The following MARCHF1 variants were observed in gnomAD, a reference collection of about 807,000 sequenced individuals.
MARCHF1 encodes the protein E3 ubiquitin-protein ligase MARCHF1.
In MARCHF1, 40 loss-of-function variants were observed where a neutral mutation model predicts 54.2. That is an observed-to-expected ratio of 0.74 (90% CI 0.57 to 0.96). MARCHF1 has a LOEUF of 0.96. MARCHF1 is among the 40% of genes least tolerant of loss of function. The pLI, the probability that MARCHF1 is intolerant of heterozygous loss-of-function variation, is 0.00. For synonymous variants in MARCHF1, 236 were observed against 236.3 expected (o/e 1.00, Z 0.01); for missense variants, 586 against 656.5 (o/e 0.89, Z 1.17).
intron 4 of MARCHF1, among the ~76,000 whole-genome samples, chr4:163,801,134 G>A (rs554000216): frequency 1.8e-4 from 28 of 151,998 alleles, no homozygotes; most frequent in Admixed American, 3.3e-4. Context: ...TCATCATGAC[G>A]GCACTCGGGA....
chr4:164,179,812 T>A lies in MARCHF1; in HGVS notation c.-322-68150A>T, dbSNP rs555611161. Among the ~76,000 whole-genome samples the A allele has an allele frequency of 4.0e-4, 61 of 151,854 alleles. No individual in the cohort carries two copies. In the South Asian group the frequency reaches 0.012, roughly 30 times the overall value. On this transcript the variant is annotated intron_variant, in intron 1 of 9. Transcript: ENST00000514618. The stretch of plus-strand genomic sequence containing the variant: ...GATTTGCATAAAAACAATTAGATGA[T>A]CTATAACCTACAGTAATAATAAGCA...
At chr4:163,676,583 C>T (rs1743928751) in intron 5 of MARCHF1, among the ~76,000 whole-genome samples, 1 of 151,890 alleles carries the variant, frequency 6.6e-6, no homozygotes, top group Non-Finnish European at 1.5e-5. Flanking sequence ...CTTACTTCTA[C>T]AAAATAAATA....
rs114022959 is a variant in MARCHF1 at position 164,241,225 on chromosome 4, T to C, written c.-322-129563A>G. 3.4e-3 allele frequency among the ~76,000 whole-genome samples: 512 copies of C among 152,138 alleles called. 4 individuals are homozygous for C. Among genetic ancestry groups the C allele is most frequent in the African/African-American group, 0.012 (495 of 41,494 alleles). ...GTCCCATAATTTCATCCCCAACCAA[T>C]CAGCAGTATCTATTCCCTAGGACCT... On this transcript the variant is annotated intron_variant, in intron 1 of 9. Coordinates refer to ENST00000514618, the MANE Select transcript of MARCHF1 (RefSeq NM_001394959.1).
At position 164,025,656 on chromosome 4, in the gene MARCHF1, C is replaced by T. The variant is rs145378832; in HGVS notation, c.-247-36947G>A. 6.1e-3 allele frequency among the ~76,000 whole-genome samples: 912 copies of T among 149,604 alleles called. 7 individuals are homozygous for T. The highest frequency in any genetic ancestry group is 0.021 in the African/African-American group (866 of 40,642). On this transcript the variant is annotated intron_variant, in intron 2 of 9. Coordinates refer to ENST00000514618, the MANE Select transcript of MARCHF1 (RefSeq NM_001394959.1). Reference sequence around the variant, plus strand: ...AAATTAACAATCTAACTTTGCATGTCGAGAAACTAGAAAAAAAACAACAAA... The same window carrying T: ...AAATTAACAATCTAACTTTGCATGTTGAGAAACTAGAAAAAAAACAACAAA...
intron 1 of MARCHF1, among the ~76,000 whole-genome samples, chr4:164,326,981 G>GTGTGTGTT (rs1735298888): frequency 6.6e-6 from 1 of 151,434 alleles, no homozygotes; most frequent in African/African-American, 2.4e-5. Flanking sequence ...GTGTGTGTGT[G>GTGTGTGTT]TGTGTGTGTG....
intron 3 of MARCHF1, among the ~76,000 whole-genome samples, chr4:163,979,019 CT>C (rs60452636): frequency 0.77 from 99,250 of 129,088 alleles, 40,526 homozygotes; most frequent in Non-Finnish European, 0.92. Flanking sequence ...CCCTTTAATT[CT>C]TTTTTTTTTT....
chr4:164,225,322 G>C (rs1345305519), intron 1 of MARCHF1, among the ~76,000 whole-genome samples: 2 of 151,922 alleles, frequency 1.3e-5, no homozygotes, highest in African/African-American at 4.8e-5. Flanking sequence ...CAATAAAATG[G>C]TGTATAATTA....
chr4:163,880,767 A>G (rs1319506037), intron 3 of MARCHF1, among the ~76,000 whole-genome samples: 2 of 152,216 alleles, frequency 1.3e-5, no homozygotes, highest in Admixed American at 6.5e-5. Context: ...ATAGCTATAT[A>G]CTTTCTAAAA....
intron 1 of MARCHF1, among the ~76,000 whole-genome samples, chr4:164,204,111 G>A (rs1172769848): frequency 1.3e-5 from 2 of 152,024 alleles, no homozygotes; most frequent in Non-Finnish European, 2.9e-5. Context: ...ATGAGAAACA[G>A]GCTTGATTAT....
chr4:164,154,659 C>T (rs776550569), intron 1 of MARCHF1, among the ~76,000 whole-genome samples: 1 of 152,156 alleles, frequency 6.6e-6, no homozygotes, highest in Non-Finnish European at 1.5e-5. Flanking sequence ...CCCACAGCAG[C>T]ATCTAAGGGT....
intron 4 of MARCHF1, among the ~76,000 whole-genome samples, chr4:163,848,699 A>G (rs1396902748): frequency 6.6e-6 from 1 of 152,170 alleles, no homozygotes; most frequent in Non-Finnish European, 1.5e-5. Context: ...CTGTCATACA[A>G]GAGGAGGCCA....
At chr4:163,880,796 A>AT (rs906921763) in intron 3 of MARCHF1, among the ~76,000 whole-genome samples, 12 of 152,170 alleles carry the variant, frequency 7.9e-5, no homozygotes, top group African/African-American at 2.9e-4. Flanking sequence ...TTGCATAGTG[A>AT]TTTTTTTCAA....
At chr4:164,013,318 C>A (rs777461909) in intron 2 of MARCHF1, among the ~76,000 whole-genome samples, 1 of 150,294 alleles carries the variant, frequency 6.7e-6, no homozygotes, top group Non-Finnish European at 1.5e-5. Context: ...TTAATGAGCT[C>A]AAAGATAGGT....
At chr4:163,693,979 G>A (rs1744541369) in intron 5 of MARCHF1, among the ~76,000 whole-genome samples, 1 of 152,136 alleles carries the variant, frequency 6.6e-6, no homozygotes, top group Admixed American at 6.6e-5. Flanking sequence ...CACTTCACCA[G>A]CAAGCCACTT....
intron 5 of MARCHF1, among the ~76,000 whole-genome samples, chr4:163,643,227 C>T (rs986152493): frequency 2.6e-5 from 4 of 151,176 alleles, no homozygotes; most frequent in Admixed American, 1.3e-4. Flanking sequence ...ACTCGGGAGG[C>T]TGAGGCAGGA....
chr4:164,183,441 T>C (rs1417808034), intron 1 of MARCHF1, among the ~76,000 whole-genome samples: 1 of 152,194 alleles, frequency 6.6e-6, no homozygotes, highest in African/African-American at 2.4e-5. Context: ...TTCATTTACC[T>C]TTTGACTTTG....
chr4:164,297,110 TAC>T (rs754798778), intron 1 of MARCHF1, among the ~76,000 whole-genome samples: 17 of 152,222 alleles, frequency 1.1e-4, no homozygotes, highest in Non-Finnish European at 2.2e-4. Flanking sequence ...TCATGTTTAG[TAC>T]AGTGTATTGA....
intron 2 of MARCHF1, among the ~76,000 whole-genome samples, chr4:164,020,636 T>C (rs1013559953): frequency 6.6e-6 from 1 of 152,166 alleles, no homozygotes; most frequent in Non-Finnish European, 1.5e-5. Flanking sequence ...CTGTACAACA[T>C]ATGATCCAGG....
intron 7 of MARCHF1, among the ~76,000 whole-genome samples, chr4:163,603,539 T>C (rs1213168675): frequency 6.6e-6 from 1 of 152,124 alleles, no homozygotes; most frequent in African/African-American, 2.4e-5. Context: ...ATGTCCAGCC[T>C]AGTTAAATTT....
Sources: allele counts gnomAD v4.1 joint callset (sites outside exome capture counted in the v4.1 genomes callset), GRCh38; gene constraint gnomAD v4.1.1; transcripts MANE v1.5; gene names NCBI Gene and HGNC (gene_info 2026-07-23, HGNC 2026-07-21).